Variants in SHISA9 observed in about 807,000 individuals in gnomAD.
SHISA9 encodes shisa family member 9, also known as protein shisa-9.
Under a neutral mutation model 38.0 loss-of-function variants are expected in SHISA9, and 13 were observed. That is an observed-to-expected ratio of 0.34 (90% confidence interval 0.22 to 0.54). The LOEUF (loss-of-function observed/expected upper bound fraction) is 0.54, where lower values mean the gene tolerates loss of function less well. SHISA9 is among the 20% of genes least tolerant of loss of function. The pLI is 0.91. For synonymous variants in SHISA9, 275 were observed against 242.0 expected (o/e 1.14, Z -1.27); for missense variants, 538 against 575.8 (o/e 0.93, Z 0.67).
At chr16:12,955,459 C>A (rs1030755961) in intron 2 of SHISA9, among the ~76,000 whole-genome samples, 6 of 151,868 alleles carry the variant, frequency 4.0e-5, no homozygotes, top group African/African-American at 1.5e-4. Flanking sequence ...ACTCATGTCC[C>A]AAAGACCTTG....
At position 12,952,367 on chromosome 16, in the gene SHISA9, G is replaced by A. The variant is rs573334800; in HGVS notation, c.691+35552G>A. ...CACAAATGTGGAGGATCTCCCAGAG[G>A]GCCCTTCAGCTGACGTGTGGTTGAG... On this transcript the variant is annotated intron_variant, in intron 2 of 4. Coordinates refer to ENST00000558583, the MANE Select transcript of SHISA9 (RefSeq NM_001145204.3). Among the ~76,000 whole-genome samples, 3 of 152,304 alleles carry A rather than the reference G, an allele frequency of 2.0e-5. No homozygotes were observed. The South Asian group carries it at 6.2e-4, about 32-fold the overall frequency.
intron 2 of SHISA9, among the ~76,000 whole-genome samples, chr16:13,122,982 G>C (rs1336219952): frequency 6.6e-6 from 1 of 152,202 alleles, no homozygotes; most frequent in Non-Finnish European, 1.5e-5. Context: ...GGGAAGCGGA[G>C]GTTGCAGTGA....
chr16:13,251,377 C>T, the SHISA9 span, among the ~76,000 whole-genome samples: 1 of 152,110 alleles, frequency 6.6e-6, no homozygotes. Context: ...GCAGGTGTAC[C>T]CAGTTAGCAC....
the SHISA9 span, among the ~76,000 whole-genome samples, chr16:13,476,455 T>C: frequency 1.3e-5 from 2 of 152,212 alleles, no homozygotes; most frequent in Non-Finnish European, 2.9e-5. Context: ...GTCCCAGTGA[T>C]TGGCTTTCTG....
chr16:13,085,129 T>G (rs2141940715), intron 2 of SHISA9, among the ~76,000 whole-genome samples: 1 of 152,270 alleles, frequency 6.6e-6, no homozygotes, highest in South Asian at 2.1e-4. Flanking sequence ...GAGAAGGATA[T>G]CCTTACCAAT....
At chr16:12,989,401 C>G (rs953107006) in intron 2 of SHISA9, among the ~76,000 whole-genome samples, 2 of 152,116 alleles carry the variant, frequency 1.3e-5, no homozygotes, top group African/African-American at 4.8e-5. Flanking sequence ...TGGTCTCGAA[C>G]TCCTGACCTC....
the SHISA9 span, among the ~76,000 whole-genome samples, chr16:13,559,834 A>C: frequency 8.5e-5 from 13 of 152,198 alleles, no homozygotes; most frequent in African/African-American, 2.9e-4. Context: ...GATTACAGAA[A>C]AGGTAGGGGA....
At chr16:13,254,492 G>A in the SHISA9 span, among the ~76,000 whole-genome samples, 2 of 152,220 alleles carry the variant, frequency 1.3e-5, no homozygotes, top group Admixed American at 6.5e-5. Context: ...AATCCCAGGA[G>A]ACTCTGAGAC....
chr16:13,521,639 A>C, the SHISA9 span, among the ~76,000 whole-genome samples: 1 of 152,346 alleles, frequency 6.6e-6, no homozygotes, highest in South Asian at 2.1e-4. Context: ...TTTTAAAAGT[A>C]GATAGCTTTT....
chr16:12,971,815 AGCTCC>A (rs2072086921), intron 2 of SHISA9, among the ~76,000 whole-genome samples: 1 of 152,184 alleles, frequency 6.6e-6, no homozygotes, highest in African/African-American at 2.4e-5. Context: ...AGACCTTCTT[AGCTCC>A]TTTCCAGATC....
At chr16:13,240,748 C>A (rs981264096), downstream of SHISA9, among the ~76,000 whole-genome samples, 1 of 152,092 alleles carries the variant, frequency 6.6e-6, no homozygotes, top group Non-Finnish European at 1.5e-5. Context: ...TAGTTTTGAA[C>A]GCTGATCAGG....
chr16:13,476,237 C>T, the SHISA9 span, among the ~76,000 whole-genome samples: 1 of 152,190 alleles, frequency 6.6e-6, no homozygotes, highest in African/African-American at 2.4e-5. Flanking sequence ...TATCAAAGAG[C>T]TGAAACTCAC....
At chr16:12,987,403 A>G (rs1026748662) in intron 2 of SHISA9, among the ~76,000 whole-genome samples, 3 of 152,248 alleles carry the variant, frequency 2.0e-5, no homozygotes, top group Admixed American at 6.5e-5. Context: ...ACCATGGAAT[A>G]CTATGCAGCC....
the SHISA9 span, among the ~76,000 whole-genome samples, chr16:13,285,726 G>T: frequency 9.2e-5 from 14 of 151,994 alleles, no homozygotes; most frequent in Non-Finnish European, 1.8e-4. Context: ...CCAAGGCCTG[G>T]CTTAACTGCT....
the SHISA9 span, among the ~76,000 whole-genome samples, chr16:13,340,748 A>G: frequency 0.017 from 2,629 of 152,110 alleles, 31 homozygotes; most frequent in Middle Eastern, 0.034. Context: ...ATGTCATCTC[A>G]TCTTTCATTT....
the SHISA9 span, among the ~76,000 whole-genome samples, chr16:13,542,310 C>T: frequency 1.3e-5 from 2 of 152,198 alleles, no homozygotes; most frequent in Admixed American, 6.5e-5. Context: ...AAAGCTATAA[C>T]ATGAGATGAT....
chr16:13,258,771 A>G, the SHISA9 span, among the ~76,000 whole-genome samples: 2 of 152,226 alleles, frequency 1.3e-5, no homozygotes, highest in African/African-American at 4.8e-5. Flanking sequence ...CTTATTCACT[A>G]GAAAGAGAAT....
At chr16:13,147,315 TAAGAC>T (rs1177103243) in intron 2 of SHISA9, among the ~76,000 whole-genome samples, 2 of 152,030 alleles carry the variant, frequency 1.3e-5, no homozygotes, top group South Asian at 2.1e-4. Flanking sequence ...GGGAAAGAGT[TAAGAC>T]AAGATTCTAC....
chr16:13,419,072 C>G, the SHISA9 span, among the ~76,000 whole-genome samples: 1 of 152,172 alleles, frequency 6.6e-6, no homozygotes, highest in African/African-American at 2.4e-5. Flanking sequence ...CGTGTATGAA[C>G]TGGTTTGTGA....
Sources: gnomAD v4.1 joint callset for allele counts (sites outside exome capture counted in the v4.1 genomes callset) on GRCh38, gnomAD v4.1.1 for gene constraint, MANE v1.5 for transcripts, NCBI Gene and HGNC (gene_info 2026-07-23, HGNC 2026-07-21) for gene names.